Variants in RAB11FIP3 observed in about 807,000 individuals in gnomAD.
RAB11FIP3 encodes RAB11 family interacting protein 3.
RAB11FIP3 carries 17 observed loss-of-function variants against 77.8 expected under a neutral mutation model. That is an observed-to-expected ratio of 0.22 (90% CI 0.15 to 0.33). The LOEUF (loss-of-function observed/expected upper bound fraction) is 0.33. Among genes scored for constraint, RAB11FIP3 ranks in the 10% least tolerant of loss-of-function variants. RAB11FIP3 has a pLI of 1.00. For synonymous variants in RAB11FIP3, 437 were observed against 448.2 expected (o/e 0.98, Z 0.31); for missense variants, 1,005 against 1,011.2 (o/e 0.99, Z 0.08).
At chr16:498,508 C>CTCTTT (rs1012269348) in intron 6 of RAB11FIP3, among the ~76,000 whole-genome samples, 3 of 152,098 alleles carry the variant, frequency 2.0e-5, no homozygotes, top group African/African-American at 7.2e-5. Flanking sequence ...TGTTTCTCTT[C>CTCTTT]TCTTTTCTTG....
At chr16:498,826 T>TTAGGGGCTAGGGGCTAGGGGC (rs538467717) in intron 6 of RAB11FIP3, among the ~76,000 whole-genome samples, 1 of 151,846 alleles carries the variant, frequency 6.6e-6, no homozygotes, top group Non-Finnish European at 1.5e-5. Flanking sequence ...TTCTGTCATT[T>TTAGGGGCTAGGGGCTAGGGGC]TAGGGGCTAG....
chr16:447,022 G>A (rs567539873), intron 1 of RAB11FIP3, among the ~76,000 whole-genome samples: 22 of 151,966 alleles, frequency 1.4e-4, no homozygotes, highest in South Asian at 2.1e-4. Flanking sequence ...TTTAAGAGAC[G>A]GGCTGGGTGT....
intron 1 of RAB11FIP3, among the ~76,000 whole-genome samples, chr16:451,970 G>A (rs1011954957): frequency 6.6e-6 from 1 of 152,158 alleles, no homozygotes; most frequent in Non-Finnish European, 1.5e-5. Flanking sequence ...CTAAGATAGT[G>A]AAACCCCATC....
chr16:439,330 G>GA (rs1354391582), intron 1 of RAB11FIP3: 2 of 152,238 alleles, frequency 1.3e-5, no homozygotes, highest in African/African-American at 4.8e-5. Flanking sequence ...TGGGAATGGA[G>GA]AAGGACCAAA....
intron 2 of RAB11FIP3, among the ~76,000 whole-genome samples, chr16:468,349 A>T (rs896640567): frequency 6.6e-6 from 1 of 151,852 alleles, no homozygotes; most frequent in African/African-American, 2.4e-5. Flanking sequence ...GGCATTGGAC[A>T]CATGGCCTCT....
chr16:462,661 C>T (rs1487804562), intron 2 of RAB11FIP3, among the ~76,000 whole-genome samples: 1 of 149,322 alleles, frequency 6.7e-6, no homozygotes, highest in Non-Finnish European at 1.5e-5. Context: ...CCTTCCGCAG[C>T]ACCGTCCCTT....
Position 492,441 on chromosome 16 carries a change from GCCGC to G in RAB11FIP3, c.1265+3444_1265+3447del, listed in dbSNP as rs1377341453. On this transcript the variant is annotated intron_variant, in intron 5 of 13. Transcript: ENST00000262305. Reference sequence around the variant, plus strand: ...CAGGGCCCTCCCCGGGAGACCCGAGGCCGCCCAGGGCCCTTCCCGGGGAGACCCG... The same window carrying G: ...CAGGGCCCTCCCCGGGAGACCCGAGGCCAGGGCCCTTCCCGGGGAGACCCG... Among the ~76,000 whole-genome samples the G allele has an allele frequency of 1.0e-4, 14 of 137,320 alleles. 1 individual carries two copies. Among genetic ancestry groups the G allele is most frequent in the Non-Finnish European group, 1.7e-4 (11 of 63,440 alleles). The allele number at this position is 137,320 out of a possible 152,430, so 90.1% of individuals were successfully genotyped here. A position where few individuals can be genotyped will look rare whatever the true frequency, so the allele number is the denominator to read the frequency against.
At chr16:435,133 A>G (rs2055107105) in intron 1 of RAB11FIP3, among the ~76,000 whole-genome samples, 1 of 150,348 alleles carries the variant, frequency 6.7e-6, no homozygotes, top group Non-Finnish European at 1.5e-5. Context: ...TGAAGCTCAG[A>G]GGTGGAGGTT....
intron 2 of RAB11FIP3, among the ~76,000 whole-genome samples, chr16:467,359 G>A (rs921819526): frequency 3.9e-5 from 6 of 152,178 alleles, no homozygotes; most frequent in African/African-American, 1.4e-4. Flanking sequence ...GGGACACTGA[G>A]CTGACTGCAG....
chr16:455,064 A>AC (rs1567366075), intron 1 of RAB11FIP3, among the ~76,000 whole-genome samples: 2 of 150,036 alleles, frequency 1.3e-5, no homozygotes, highest in African/African-American at 4.9e-5. Context: ...AAAAAAACAA[A>AC]AAAACTAGGC....
intron 5 of RAB11FIP3, among the ~76,000 whole-genome samples, chr16:490,071 T>TC: frequency 6.6e-6 from 1 of 152,250 alleles, no homozygotes. Context: ...AATCACCTCT[T>TC]CCTACGTGTT....
At chr16:520,008 T>C (rs2032604208) in intron 11 of RAB11FIP3, 114 bp from the exon 12 acceptor site, 6 of 1,520,560 alleles carry the variant, frequency 3.9e-6, no homozygotes, top group South Asian at 2.5e-5. Flanking sequence ...CGCTGGTGTG[T>C]GTCGTCCTCC....
At chr16:486,955 G>A (rs2056167009) in intron 4 of RAB11FIP3, among the ~76,000 whole-genome samples, 1 of 152,158 alleles carries the variant, frequency 6.6e-6, no homozygotes, top group Non-Finnish European at 1.5e-5. Flanking sequence ...CCAATCATAA[G>A]AAACAGAAAA....
chr16:522,912 T>G lies in RAB11FIP3; in HGVS notation c.*2073T>G, dbSNP rs950511055. On this transcript the variant is annotated 3_prime_UTR_variant, in exon 14 of 14. Transcript: ENST00000262305. The stretch of plus-strand genomic sequence containing the variant: ...GGCTCACGCCATAATCTCAGCACTT[T>G]GGGAGGCCAAGGCAGGAGGATCGCT... The G allele has an allele frequency of 6.6e-6, 1 of 152,252 alleles. No homozygotes were observed. The highest frequency in any genetic ancestry group is 2.4e-5 in the African/African-American group (1 of 41,420). 9.4% of individuals were successfully genotyped at this position (152,252 alleles called of 1,614,324 possible).
chr16:466,320 G>A (rs2055701508), intron 2 of RAB11FIP3, among the ~76,000 whole-genome samples: 1 of 152,344 alleles, frequency 6.6e-6, no homozygotes, highest in African/African-American at 2.4e-5. Flanking sequence ...GGGAACAGCA[G>A]TGGCCCCGGG....
intron 4 of RAB11FIP3, 50 bp from the exon 5 acceptor site, chr16:488,801 G>T: frequency 1.3e-6 from 2 of 1,589,260 alleles, no homozygotes; most frequent in Non-Finnish European, 1.7e-6. Flanking sequence ...CTCAGCTCGG[G>T]GGTGCCCTGG....
intron 6 of RAB11FIP3, chr16:497,182 A>G: frequency 1.0e-6 from 1 of 986,120 alleles, no homozygotes; most frequent in Non-Finnish European, 1.4e-6. Context: ...AGCGAGACCC[A>G]GTGAGGAGCC....
intron 5 of RAB11FIP3, 87 bp from the exon 6 acceptor site, chr16:496,737 G>C (rs558981109): frequency 3.7e-6 from 5 of 1,345,028 alleles, no homozygotes; most frequent in Non-Finnish European, 5.2e-6. Flanking sequence ...CGCCCACCTC[G>C]TATCTCCACA....
rs773014855 is a variant in RAB11FIP3, at chr16:519,849, C to T, written c.1818C>T (p.His606=). 18 of 1,600,002 alleles carry T rather than the reference C, an allele frequency of 1.1e-5. No homozygotes were observed. Among genetic ancestry groups the T allele is most frequent in the African/African-American group, 8.0e-5 (6 of 74,714 alleles). Reference sequence around the variant, plus strand: ...GGAGAATGGGGGACAGGCTGAGTCACGAGAGGCACCAGTTCCAGAGGGACA... The same window carrying T: ...GGAGAATGGGGGACAGGCTGAGTCATGAGAGGCACCAGTTCCAGAGGGACA... ...NKRRMGDRLS[H]ERHQFQRDKE... Residue 606 remains histidine, a synonymous_variant, in exon 11 of 14, where the codon CAC becomes CAT. Transcript: ENST00000262305.
Sources: allele counts gnomAD v4.1 joint callset (sites outside exome capture counted in the v4.1 genomes callset), GRCh38; gene constraint gnomAD v4.1.1; transcripts MANE v1.5; gene names NCBI Gene and HGNC (gene_info 2026-07-23, HGNC 2026-07-21).